The following GLRX2 variants were observed in gnomAD, a reference collection of about 807,000 sequenced individuals.
GLRX2 encodes bA101E13.1 (GRX2 glutaredoxin (thioltransferase) 2).
GLRX2 carries 12 observed loss-of-function variants against 16.4 expected under a neutral mutation model. The observed-to-expected ratio is 0.73, with a 90% CI of 0.47 to 1.19. The LOEUF is 1.19. GLRX2 is among the 50% of genes most tolerant of loss of function. The probability of loss-of-function intolerance (pLI) is 0.00; values close to 1 mark genes in which losing one functional copy is unlikely to be tolerated. For missense variants in GLRX2, 201 were observed against 201.8 expected (o/e 1.00, Z 0.02); for synonymous variants, 95 against 76.2 (o/e 1.25, Z -1.28).
chr1:193,105,799 C>T, upstream of GLRX2: 3 of 1,333,322 alleles, frequency 2.3e-6, no homozygotes, highest in Non-Finnish European at 2.9e-6. Flanking sequence ...CAGATGTTTC[C>T]AACTACCTGT....
chr1:193,105,167 G>T, intron 1 of GLRX2, 97 bp downstream of exon 1: 1 of 1,420,240 alleles, frequency 7.0e-7, no homozygotes, highest in Non-Finnish European at 9.1e-7. Context: ...CGCCCACCCG[G>T]CGCCGGGGCA....
At chr1:193,105,618 T>G (rs1675185932), upstream of GLRX2, 1 of 1,604,520 alleles carries the variant, frequency 6.2e-7, no homozygotes, top group Non-Finnish European at 8.5e-7. Flanking sequence ...AGCGGCTCAC[T>G]TGCTTATCTC....
chr1:193,104,110 T>G (rs1175993737), intron 1 of GLRX2, among the ~76,000 whole-genome samples: 1 of 152,166 alleles, frequency 6.6e-6, no homozygotes, highest in Non-Finnish European at 1.5e-5. Flanking sequence ...CTGAAGGAGC[T>G]CCAATAGAAC....
At chr1:193,097,282 C>A (rs1674978221) in intron 3 of GLRX2, among the ~76,000 whole-genome samples, 1 of 152,160 alleles carries the variant, frequency 6.6e-6, no homozygotes, top group Non-Finnish European at 1.5e-5. Context: ...CTGTATTGCC[C>A]AGGTAAAGGG....
At chr1:193,102,719 A>G (rs993977529) in intron 1 of GLRX2, among the ~76,000 whole-genome samples, 2 of 152,176 alleles carry the variant, frequency 1.3e-5, no homozygotes, top group Non-Finnish European at 2.9e-5. Context: ...TTATCCTTGG[A>G]TAATGAACAT....
In GLRX2 at chr1:193,096,612, A is replaced by G. The variant is rs1674963798; in HGVS notation, c.*13T>C. The G allele has an allele frequency of 1.3e-6, 2 of 1,499,286 alleles. No individual in the cohort carries two copies. Among genetic ancestry groups the G allele is most frequent in the African/African-American group, 1.4e-5 (1 of 72,396 alleles). The allele number at this position is 1,499,286 out of a possible 1,614,324, so 92.9% of individuals were successfully genotyped here. A position where few individuals can be genotyped will look rare whatever the true frequency, so the allele number is the denominator to read the frequency against. On this transcript the variant is annotated 3_prime_UTR_variant, in exon 4 of 4. Transcript: ENST00000367439. The stretch of plus-strand genomic sequence containing the variant: ...TAACTGACACTGTACTAGCAAACTT[A>G]TTAGTATAAACATCACTGAAATTCT...
chr1:193,101,917 A>C (rs948924889), intron 1 of GLRX2, among the ~76,000 whole-genome samples: 32 of 152,156 alleles, frequency 2.1e-4, no homozygotes, highest in Admixed American at 2.0e-4. Flanking sequence ...CTAAAAAAAA[A>C]AACTCAACCA....
upstream of GLRX2, chr1:193,105,487 C>G: frequency 6.6e-7 from 1 of 1,506,008 alleles, no homozygotes; most frequent in Non-Finnish European, 8.8e-7. Flanking sequence ...CGTCCCGCCC[C>G]TCCGGACTGC....
chr1:193,101,290 TA>T, intron 1 of GLRX2, 86 bp from the exon 2 acceptor site: 1 of 866,164 alleles, frequency 1.2e-6, no homozygotes, highest in Non-Finnish European at 1.9e-6. Context: ...ATCAATCTCA[TA>T]AACAAATATA....
At chr1:193,105,114 G>T in intron 1 of GLRX2, 150 bp downstream of exon 1, 1 of 1,210,420 alleles carries the variant, frequency 8.3e-7, no homozygotes, top group South Asian at 1.8e-5. Flanking sequence ...TCCCTCGAGC[G>T]CCTCTGCGTG....
chr1:193,102,723 T>C (rs1403806547), intron 1 of GLRX2, among the ~76,000 whole-genome samples: 5 of 152,206 alleles, frequency 3.3e-5, no homozygotes, highest in African/African-American at 4.8e-5. Flanking sequence ...CCTTGGATAA[T>C]GAACATCTGC....
At chr1:193,105,081 C>A in intron 1 of GLRX2, 183 bp downstream of exon 1, 2 of 547,418 alleles carry the variant, frequency 3.7e-6, no homozygotes, top group Non-Finnish European at 4.7e-6. Context: ...AGCACAGCCG[C>A]GGAGGGCACC....
intron 2 of GLRX2, among the ~76,000 whole-genome samples, chr1:193,099,528 C>T (rs1041240535): frequency 2.0e-5 from 3 of 152,038 alleles, no homozygotes; most frequent in African/African-American, 4.8e-5. Flanking sequence ...GACAGGGTTT[C>T]GCCATGTTGC....
intron 1 of GLRX2, among the ~76,000 whole-genome samples, chr1:193,102,774 C>A (rs1675105231): frequency 6.6e-6 from 1 of 152,088 alleles, no homozygotes; most frequent in Non-Finnish European, 1.5e-5. Context: ...TTCAGTTATC[C>A]AAGGTCAGCT....
At chr1:193,098,740 G>C (rs541997970) in intron 2 of GLRX2, among the ~76,000 whole-genome samples, 1 of 151,822 alleles carries the variant, frequency 6.6e-6, no homozygotes, top group Admixed American at 6.6e-5. Context: ...TAGTAGAGAC[G>C]GGGTTTCACC....
chr1:193,100,454 A>G (rs1675052374), intron 2 of GLRX2, among the ~76,000 whole-genome samples: 5 of 152,230 alleles, frequency 3.3e-5, no homozygotes, highest in Admixed American at 3.3e-4. Flanking sequence ...GGCCTGGGCA[A>G]CAGAGCGAGA....
intron 1 of GLRX2, among the ~76,000 whole-genome samples, chr1:193,104,744 C>T (rs974462715): frequency 6.6e-6 from 1 of 152,258 alleles, no homozygotes; most frequent in African/African-American, 2.4e-5. Context: ...GGCGGCATCA[C>T]CATCAGTCAG....
At chr1:193,097,170 A>G (rs1674974683) in intron 3 of GLRX2, among the ~76,000 whole-genome samples, 1 of 152,248 alleles carries the variant, frequency 6.6e-6, no homozygotes, top group African/African-American at 2.4e-5. Flanking sequence ...AACACTGTAC[A>G]TTTTTCTGAT....
At chr1:193,100,943 C>T (rs530494592) in intron 2 of GLRX2, among the ~76,000 whole-genome samples, 198 bp downstream of exon 2, 6 of 152,144 alleles carry the variant, frequency 3.9e-5, no homozygotes, top group African/African-American at 1.2e-4. Flanking sequence ...AAATCTCATA[C>T]GTTTTAATTA....
Sources: gnomAD v4.1 joint callset for allele counts (sites outside exome capture counted in the v4.1 genomes callset) on GRCh38, gnomAD v4.1.1 for gene constraint, MANE v1.5 for transcripts, NCBI Gene and HGNC (gene_info 2026-07-23, HGNC 2026-07-21) for gene names.